Variants in KLHL1 observed in about 807,000 individuals in gnomAD.
KLHL1 encodes kelch-like protein 1.
In KLHL1, 47 loss-of-function variants were observed where a neutral mutation model predicts 77.7. The ratio of observed to expected loss-of-function variants is 0.60; its 90% CI spans 0.48 to 0.77. KLHL1 has a LOEUF of 0.77. Among genes scored for constraint, KLHL1 ranks in the 30% least tolerant of loss-of-function variants. The probability of loss-of-function intolerance (pLI) is 0.00; values close to 1 mark genes in which losing one functional copy is unlikely to be tolerated. For synonymous variants in KLHL1, 360 were observed against 325.2 expected (o/e 1.11, Z -1.15); for missense variants, 925 against 910.8 (o/e 1.02, Z -0.20).
intron 1 of KLHL1, among the ~76,000 whole-genome samples, chr13:70,003,656 T>C (rs533451705): frequency 6.6e-6 from 1 of 151,940 alleles, no homozygotes; most frequent in South Asian, 2.1e-4. Flanking sequence ...TAATTTTTAT[T>C]ATATTTGTTT....
chr13:69,997,502 T>C (rs1885186159), intron 1 of KLHL1, among the ~76,000 whole-genome samples: 1 of 151,236 alleles, frequency 6.6e-6, no homozygotes, highest in South Asian at 2.1e-4. Flanking sequence ...ACCGCTTTCC[T>C]CTGTTTCTAT....
chr13:69,789,941 G>A (rs1876786539), intron 7 of KLHL1, among the ~76,000 whole-genome samples: 1 of 152,108 alleles, frequency 6.6e-6, no homozygotes, highest in Non-Finnish European at 1.5e-5. Flanking sequence ...GGTAGAGGCA[G>A]AGACGCCAGC....
chr13:69,802,663 G>A (rs111322942), intron 6 of KLHL1, among the ~76,000 whole-genome samples: 11,461 of 143,722 alleles, frequency 0.08, 520 homozygotes, highest in Non-Finnish European at 0.1. Context: ...TCTAATTACC[G>A]GTGCATGCAG....
intron 2 of KLHL1, among the ~76,000 whole-genome samples, chr13:69,965,206 A>C (rs548229610): frequency 2.0e-5 from 3 of 152,366 alleles, no homozygotes; most frequent in East Asian, 3.9e-4. Flanking sequence ...AAAATAATTG[A>C]AGGCTTATAG....
At chr13:69,790,462 C>T (rs1204903296) in intron 7 of KLHL1, among the ~76,000 whole-genome samples, 1 of 152,086 alleles carries the variant, frequency 6.6e-6, no homozygotes, top group Non-Finnish European at 1.5e-5. Flanking sequence ...CCAATATTAC[C>T]TTGATACCTA....
chr13:70,045,131 G>A (rs542084098), intron 1 of KLHL1, among the ~76,000 whole-genome samples: 8 of 152,208 alleles, frequency 5.3e-5, no homozygotes, highest in Non-Finnish European at 1.2e-4. Context: ...CTCAAGGAAT[G>A]TCGCCTTGAC....
intron 1 of KLHL1, among the ~76,000 whole-genome samples, chr13:70,076,019 T>C (rs1294262181): frequency 7.2e-5 from 11 of 151,794 alleles, no homozygotes; most frequent in Non-Finnish European, 1.6e-4. Flanking sequence ...TCTATATTCA[T>C]ATATGGAAGC....
chr13:69,913,849 C>A (rs558030149), intron 4 of KLHL1, among the ~76,000 whole-genome samples: 1 of 151,950 alleles, frequency 6.6e-6, no homozygotes, highest in Non-Finnish European at 1.5e-5. Context: ...TTGAAGGATG[C>A]AAAGTACTTT....
intron 3 of KLHL1, among the ~76,000 whole-genome samples, chr13:69,942,205 A>C (rs2138304742): frequency 6.6e-6 from 1 of 152,096 alleles, no homozygotes; most frequent in South Asian, 2.1e-4. Flanking sequence ...GCCTGAGTAA[A>C]GCATACATTG....
intron 1 of KLHL1, among the ~76,000 whole-genome samples, chr13:69,993,727 T>C (rs1410376487): frequency 6.6e-6 from 1 of 152,106 alleles, no homozygotes; most frequent in Non-Finnish European, 1.5e-5. Flanking sequence ...GTTCCCCAAA[T>C]ACTGCAATAT....
chr13:70,026,703 G>GGTGT (rs3072710), intron 1 of KLHL1, among the ~76,000 whole-genome samples: 32 of 85,310 alleles, frequency 3.8e-4, no homozygotes, highest in African/African-American at 6.0e-4. Context: ...AAGAACTTAG[G>GGTGT]GTGTGTGTGT....
rs746355020 is a variant in KLHL1, at chr13:69,961,377, G to C, written c.748C>G (p.Gln250Glu). Residue 250 changes from glutamine (Q) to glutamate (E), a missense_variant, in exon 3 of 11, where the codon CAA becomes GAA. Transcript: ENST00000377844. ...ATGCCTTCCATTTTGATCTCCTCTTGCTTGGCTTCACAAACATCACTTGTA... is the reference window on the plus strand; with the variant it reads ...ATGCCTTCCATTTTGATCTCCTCTTCCTTGGCTTCACAAACATCACTTGTA... Reference protein sequence around the residue: ...MFTSDVCEAKQEEIKMEGIDP... With the variant: ...MFTSDVCEAKEEEIKMEGIDP... The C allele has an allele frequency of 3.1e-6, 5 of 1,613,036 alleles. No individual in the cohort carries two copies. In the East Asian group the frequency reaches 1.1e-4, roughly 36 times the overall value.
At chr13:69,955,555 C>G (rs557649940) in intron 3 of KLHL1, among the ~76,000 whole-genome samples, 2 of 151,338 alleles carry the variant, frequency 1.3e-5, no homozygotes, top group South Asian at 4.1e-4. Flanking sequence ...GCAATTCCAT[C>G]TCCCATATTT....
At chr13:69,922,392 T>G (rs569337762) in intron 4 of KLHL1, among the ~76,000 whole-genome samples, 2 of 152,136 alleles carry the variant, frequency 1.3e-5, no homozygotes, top group African/African-American at 2.4e-5. Flanking sequence ...ATATCTGGTA[T>G]AGTAAAATAG....
intron 2 of KLHL1, among the ~76,000 whole-genome samples, chr13:69,965,531 C>T (rs889143293): frequency 3.3e-5 from 5 of 152,098 alleles, no homozygotes; most frequent in Non-Finnish European, 7.4e-5. Context: ...ACTAGGCCTA[C>T]TAATAACCCT....
intron 4 of KLHL1, 121 bp downstream of exon 4, chr13:69,939,919 T>A (rs1883314872): frequency 1.6e-6 from 1 of 637,486 alleles, no homozygotes; most frequent in African/African-American, 1.9e-5. Flanking sequence ...AACAAAAAAA[T>A]GTGCCAAGCA....
chr13:70,046,952 A>G (rs982438210), intron 1 of KLHL1, among the ~76,000 whole-genome samples: 1 of 152,222 alleles, frequency 6.6e-6, no homozygotes, highest in Admixed American at 6.5e-5. Context: ...CATAGGTTAC[A>G]TGGACTGCTT....
intron 3 of KLHL1, among the ~76,000 whole-genome samples, chr13:69,944,172 AC>A (rs939729686): frequency 6.6e-6 from 1 of 152,178 alleles, no homozygotes; most frequent in Non-Finnish European, 1.5e-5. Context: ...TATATGAGCA[AC>A]ACCTTTTTTC....
chr13:69,837,916 C>T (rs1222821130), intron 6 of KLHL1, among the ~76,000 whole-genome samples: 1 of 151,372 alleles, frequency 6.6e-6, no homozygotes, highest in East Asian at 1.9e-4. Flanking sequence ...TGATGACAAA[C>T]ATTTTGCCCT....
Sources: allele counts gnomAD v4.1 joint callset (sites outside exome capture counted in the v4.1 genomes callset), GRCh38; gene constraint gnomAD v4.1.1; transcripts MANE v1.5; gene names NCBI Gene and HGNC (gene_info 2026-07-23, HGNC 2026-07-21).